The following SLC2A9 variants were observed in gnomAD, a reference collection of about 807,000 sequenced individuals.
The protein encoded by SLC2A9 is solute carrier family 2 member 9, also known as solute carrier family 2, facilitated glucose transporter member 9.
SLC2A9 carries 39 observed loss-of-function variants against 50.6 expected under a neutral mutation model. The ratio of observed to expected loss-of-function variants is 0.77; its 90% CI spans 0.60 to 1.01. SLC2A9 has a LOEUF of 1.01. Ranked by LOEUF, SLC2A9 falls within the 50% of genes least tolerant of loss-of-function variation. The probability of loss-of-function intolerance (pLI) is 0.00; values close to 1 mark genes in which losing one functional copy is unlikely to be tolerated. For synonymous variants in SLC2A9, 324 were observed against 276.9 expected (o/e 1.17, Z -1.69); for missense variants, 686 against 677.6 (o/e 1.01, Z -0.14).
intron 8 of SLC2A9, among the ~76,000 whole-genome samples, chr4:9,898,999 C>CCT (rs58512583): frequency 1.1e-4 from 16 of 151,602 alleles, no homozygotes; most frequent in Non-Finnish European, 2.1e-4. Context: ...CCTCCCTCCC[C>CCT]CTCTCTCTCT....
At chr4:9,925,732 T>C (rs1744776395) in intron 6 of SLC2A9, among the ~76,000 whole-genome samples, 1 of 152,088 alleles carries the variant, frequency 6.6e-6, no homozygotes, top group Non-Finnish European at 1.5e-5. Context: ...AATGAAATAG[T>C]AAAAATCAAG....
intron 3 of SLC2A9, chr4:9,782,503 G>C (rs777476781): frequency 4.3e-6 from 7 of 1,613,866 alleles, no homozygotes; most frequent in Non-Finnish European, 5.9e-6. Flanking sequence ...GCATGGCCTT[G>C]GTCATGGTCG....
At chr4:9,854,735 C>A (rs909466896) in intron 10 of SLC2A9, among the ~76,000 whole-genome samples, 9 of 152,154 alleles carry the variant, frequency 5.9e-5, no homozygotes, top group African/African-American at 2.2e-4. Flanking sequence ...CAAACCAAAT[C>A]CAGCAGCACA....
chr4:9,926,677 A>G (rs906475685), intron 6 of SLC2A9, among the ~76,000 whole-genome samples: 2 of 152,008 alleles, frequency 1.3e-5, no homozygotes, highest in Admixed American at 1.3e-4. Context: ...CTTCATAAAC[A>G]TATGCTGAAG....
intron 11 of SLC2A9, among the ~76,000 whole-genome samples, chr4:9,834,513 G>T (rs1455501146): frequency 2.0e-5 from 3 of 152,180 alleles, no homozygotes; most frequent in African/African-American, 7.2e-5. Context: ...ATGTTAAATG[G>T]GTGGTGGTTT....
At chr4:9,983,937 G>A (rs1460484577) in intron 4 of SLC2A9, among the ~76,000 whole-genome samples, 2 of 152,138 alleles carry the variant, frequency 1.3e-5, no homozygotes, top group African/African-American at 2.4e-5. Flanking sequence ...CCAGCTTTCT[G>A]AGCATTAGGG....
chr4:9,969,723 G>A (rs1178205073), intron 5 of SLC2A9, among the ~76,000 whole-genome samples: 3 of 152,232 alleles, frequency 2.0e-5, no homozygotes, highest in Non-Finnish European at 4.4e-5. Flanking sequence ...GCAAGAGACA[G>A]CATGTGCAGG....
At chr4:9,951,475 T>C (rs7377625) in intron 5 of SLC2A9, among the ~76,000 whole-genome samples, 73,397 of 151,970 alleles carry the variant, frequency 0.48, 19,070 homozygotes, top group African/African-American at 0.67. Context: ...TTAAATATTC[T>C]GACTCAATCA....
chr4:9,850,458 G>A (rs955285509), intron 10 of SLC2A9, among the ~76,000 whole-genome samples: 3 of 152,166 alleles, frequency 2.0e-5, no homozygotes, highest in African/African-American at 7.2e-5. Flanking sequence ...CCTGTGGGAT[G>A]AGGCCGGTAC....
At chr4:9,910,778 A>C (rs2110004038) in intron 7 of SLC2A9, among the ~76,000 whole-genome samples, 1 of 152,328 alleles carries the variant, frequency 6.6e-6, no homozygotes, top group African/African-American at 2.4e-5. Flanking sequence ...GATGTCCCTT[A>C]GTAGGTTAGT....
chr4:9,779,738 ATC>A (rs55984839), downstream of SLC2A9: 102,111 of 146,882 alleles, frequency 0.7, 35,891 homozygotes, highest in Non-Finnish European at 0.77. Context: ...TTAGAATAGC[ATC>A]TCTCTCTCTC....
intron 3 of SLC2A9, among the ~76,000 whole-genome samples, chr4:9,804,242 G>C (rs1443625651): frequency 6.6e-6 from 1 of 152,230 alleles, no homozygotes; most frequent in Admixed American, 6.5e-5. Flanking sequence ...ATAGGGATTT[G>C]CTGAGTGGAC....
At chr4:9,981,924 C>T (rs1207328493) in intron 4 of SLC2A9, among the ~76,000 whole-genome samples, 2 of 151,942 alleles carry the variant, frequency 1.3e-5, no homozygotes, top group East Asian at 3.9e-4. Flanking sequence ...TCTTGTTGCC[C>T]AGGCTGGAGC....
intron 2 of SLC2A9, 144 bp from the exon 3 acceptor site, chr4:9,997,085 C>T (rs1758810343): frequency 1.1e-6 from 1 of 876,652 alleles, no homozygotes; most frequent in Non-Finnish European, 1.8e-6. Flanking sequence ...TCTCATTGGC[C>T]TCTTCTAACA....
intron 10 of SLC2A9, among the ~76,000 whole-genome samples, chr4:9,854,389 C>A (rs941031953): frequency 6.6e-6 from 1 of 152,056 alleles, no homozygotes; most frequent in Admixed American, 6.5e-5. Flanking sequence ...AAATATACAA[C>A]CTCCCAAGAT....
intron 10 of SLC2A9, among the ~76,000 whole-genome samples, chr4:9,845,868 T>C (rs372024329): frequency 4.2e-4 from 64 of 152,388 alleles, no homozygotes; most frequent in African/African-American, 1.2e-3. Context: ...TTTTCTTTTA[T>C]TGAAATACAG....
intron 3 of SLC2A9, chr4:9,799,285 C>CATTTAATT (rs1721003388): frequency 1.3e-5 from 2 of 149,404 alleles, no homozygotes; most frequent in Non-Finnish European, 3.0e-5. Flanking sequence ...AAACAACAGA[C>CATTTAATT]ATTTATTTAT....
chr4:10,024,905 A>C (rs1427272567), upstream of SLC2A9, among the ~76,000 whole-genome samples: 2 of 152,246 alleles, frequency 1.3e-5, no homozygotes, highest in Non-Finnish European at 2.9e-5. Flanking sequence ...CCAAATACTT[A>C]GACAGTAGAT....
chr4:10,026,017 G>C, upstream of SLC2A9: 2 of 1,589,182 alleles, frequency 1.3e-6, no homozygotes, highest in South Asian at 2.2e-5. Flanking sequence ...CTGAGAAAGA[G>C]AAAAAGAAAG....
Sources: gnomAD v4.1 joint callset for allele counts (sites outside exome capture counted in the v4.1 genomes callset) on GRCh38, gnomAD v4.1.1 for gene constraint, MANE v1.5 for transcripts, NCBI Gene and HGNC (gene_info 2026-07-23, HGNC 2026-07-21) for gene names.